USP24: variants seen among roughly 807,000 people sequenced by gnomAD.
USP24 encodes ubiquitin specific peptidase 24, also known as ubiquitin carboxyl-terminal hydrolase 24.
USP24 carries 97 observed loss-of-function variants against 361.6 expected under a neutral mutation model. The observed-to-expected ratio is 0.27, with a 90% confidence interval of 0.23 to 0.32. USP24 has a LOEUF of 0.32. Ranked by LOEUF, USP24 falls within the 10% of genes least tolerant of loss-of-function variation. The probability of loss-of-function intolerance (pLI) is 1.00; values close to 1 mark genes in which losing one functional copy is unlikely to be tolerated. For synonymous variants in USP24, 1,098 were observed against 1,124.6 expected, an observed-to-expected ratio of 0.98 and a Z score of 0.47; for missense variants, 2,353 against 3,165.6, an observed-to-expected ratio of 0.74 and a Z score of 6.16.
At chr1:55,146,279 G>C (rs2100708779) in intron 19 of USP24, among the ~76,000 whole-genome samples, 170 bp from the exon 20 acceptor site, 1 of 152,222 alleles carries the variant, frequency 6.6e-6, no homozygotes, top group East Asian at 1.9e-4. Context: ...GCAGTTACTA[G>C]CAATCTTTCT....
At chr1:55,174,637 G>A (rs976610647) in intron 3 of USP24, among the ~76,000 whole-genome samples, 1 of 152,216 alleles carries the variant, frequency 6.6e-6, no homozygotes, top group East Asian at 1.9e-4. Flanking sequence ...ACTTGCTGGT[G>A]AATGGACTGG....
chr1:55,199,942 TGGAC>T (rs1644526530), intron 1 of USP24, among the ~76,000 whole-genome samples: 1 of 152,190 alleles, frequency 6.6e-6, no homozygotes, highest in African/African-American at 2.4e-5. Context: ...ACGTCTTACA[TGGAC>T]GGCAGCAGGC....
At chr1:55,131,094 A>G (rs138477995) in intron 31 of USP24, among the ~76,000 whole-genome samples, 3 of 152,324 alleles carry the variant, frequency 2.0e-5, no homozygotes, top group African/African-American at 7.2e-5. Context: ...TTAAAATTAC[A>G]CTTGAACTTT....
intron 1 of USP24, among the ~76,000 whole-genome samples, chr1:55,181,226 A>G (rs138596321): frequency 1.3e-5 from 2 of 152,202 alleles, no homozygotes; most frequent in Non-Finnish European, 2.9e-5. Flanking sequence ...CATATCAATG[A>G]TATCTAAAGA....
At chr1:55,176,477 T>A (rs1162147655) in intron 2 of USP24, 34 bp from the exon 3 acceptor site, 1 of 1,533,294 alleles carries the variant, frequency 6.5e-7, no homozygotes. Flanking sequence ...ATACTTTATT[T>A]AAGTCAGACT....
At chr1:55,176,164 A>G (rs2100817592) in intron 3 of USP24, among the ~76,000 whole-genome samples, 1 of 152,370 alleles carries the variant, frequency 6.6e-6, no homozygotes, top group African/African-American at 2.4e-5. Context: ...ATATTTAACC[A>G]AAGACACATA....
At position 55,110,240 on chromosome 1, in the gene USP24, T is replaced by A. The variant is rs1384614633; in HGVS notation, c.4515A>T (p.Leu1505Phe). 3 of 1,537,254 alleles carry A rather than the reference T, an allele frequency of 2.0e-6. No individual in the cohort carries two copies. The highest frequency in any genetic ancestry group is 2.1e-5 in the Admixed American group (1 of 48,158). ...AATCAAAATACTCCATACACTGAGATAACAGTCTAAAAAACAGAAAGGTTT... is the reference window on the plus strand; with the variant it reads ...AATCAAAATACTCCATACACTGAGAAAACAGTCTAAAAAACAGAAAGGTTT... ...SIMRGVNQRL[L>F]SQCMEYFDLR... Residue 1505 changes from leucine to phenylalanine, a missense_variant, in exon 39 of 68, where the codon TTA becomes TTT. By Grantham distance (22) the Leu-to-Phe change is conservative. Coordinates refer to ENST00000294383, the MANE Select transcript of USP24 (RefSeq NM_015306.3).
intron 42 of USP24, 101 bp from the exon 43 acceptor site, chr1:55,101,804 A>G: frequency 7.2e-7 from 1 of 1,385,364 alleles, no homozygotes; most frequent in Non-Finnish European, 9.5e-7. Context: ...TCACAGATTT[A>G]CCCATCCAGC....
At chr1:55,209,063 A>T (rs1346994525) in intron 1 of USP24, among the ~76,000 whole-genome samples, 1 of 152,238 alleles carries the variant, frequency 6.6e-6, no homozygotes, top group Non-Finnish European at 1.5e-5. Flanking sequence ...TTCCTATGAT[A>T]AAGAAAATGA....
At chr1:55,145,832 A>G (rs1647013756) in intron 20 of USP24, among the ~76,000 whole-genome samples, 166 bp downstream of exon 20, 1 of 152,222 alleles carries the variant, frequency 6.6e-6, no homozygotes, top group South Asian at 2.1e-4. Flanking sequence ...CCATTCATGT[A>G]GAAAGGAATT....
chr1:55,119,499 G>C (rs930097123), intron 38 of USP24, among the ~76,000 whole-genome samples: 8 of 151,966 alleles, frequency 5.3e-5, no homozygotes, highest in Admixed American at 5.2e-4. Context: ...AGTTGTGATG[G>C]TTGCATCACA....
At chr1:55,202,031 C>T (rs1233388267) in intron 1 of USP24, among the ~76,000 whole-genome samples, 1 of 152,130 alleles carries the variant, frequency 6.6e-6, no homozygotes, top group East Asian at 1.9e-4. Context: ...GCATGCCAGG[C>T]AGGAGAAAAT....
At chr1:55,096,437 AT>A (rs1365756860) in intron 50 of USP24, 60 bp downstream of exon 50, 2 of 1,315,940 alleles carry the variant, frequency 1.5e-6, no homozygotes, top group Non-Finnish European at 2.0e-6. Flanking sequence ...AATACTATTA[AT>A]TTTTATAGAA....
rs1399310984 is a variant in USP24 at position 55,094,185 on chromosome 1, AT to A, written c.6204-99del. 4.9e-6 allele frequency: 6 copies of A among 1,216,166 alleles called. No individual in the cohort carries two copies. In the East Asian group the frequency reaches 1.3e-4, roughly 26 times the overall value. The allele number at this position is 1,216,166 out of a possible 1,614,324, so 75.3% of individuals were successfully genotyped here. ...AATTCACATAAACGGGTATTAGACT[AT>A]TTGATTATTATACATGTATCGAAAC... On this transcript the variant is annotated intron_variant, in intron 51 of 67. Transcript: ENST00000294383.
chr1:55,074,532 G>A (rs1644984647), intron 63 of USP24, among the ~76,000 whole-genome samples: 1 of 152,106 alleles, frequency 6.6e-6, no homozygotes, highest in Admixed American at 6.5e-5. Flanking sequence ...TACTTGGGAG[G>A]CTGAGGTGGG....
intron 5 of USP24, among the ~76,000 whole-genome samples, chr1:55,168,697 A>ACC (rs1649151997): frequency 6.6e-6 from 1 of 152,208 alleles, no homozygotes; most frequent in South Asian, 2.1e-4. Context: ...AAGGATGCCT[A>ACC]AAGGGAGAAA....
chr1:55,104,034 A>G lies in USP24; in HGVS notation c.4881-14T>C. ...GCTGTACTACACCTAGAAACAAAAG[A>G]CACAAGTCAATTTCAACAATGAATA... On this transcript the variant is annotated splice_polypyrimidine_tract_variant and intron_variant, in intron 41 of 67. Coordinates refer to ENST00000294383, the MANE Select transcript of USP24 (RefSeq NM_015306.3). The G allele has an allele frequency of 1.3e-6, 2 of 1,589,382 alleles. No individual in the cohort carries two copies. Among genetic ancestry groups the G allele is most frequent in the Non-Finnish European group, 1.7e-6 (2 of 1,168,146 alleles).
intron 55 of USP24, among the ~76,000 whole-genome samples, chr1:55,089,000 C>T (rs765986968): frequency 5.3e-5 from 8 of 151,744 alleles, no homozygotes; most frequent in African/African-American, 7.3e-5. Context: ...GCAACCTCTG[C>T]CTCCTGGGTT....
Position 55,134,076 on chromosome 1 carries a change from T to G in USP24, c.3375A>C (p.Gly1125=). ...AGTTAAAAAATACTCATACCTTTCT[T>G]CCTAAAGAATCAAGTTGATCAAGGG... is the stretch of plus-strand genomic sequence containing the variant. ...QEALDQLDSL[G]RKKTLLSESS... Residue 1125 remains glycine, a synonymous_variant, in exon 30 of 68, where the codon GGA becomes GGC. Transcript: ENST00000294383. 6.2e-7 allele frequency: 1 copy of G among 1,613,410 alleles called. No individual in the cohort carries two copies. Among genetic ancestry groups the G allele is most frequent in the South Asian group, 1.1e-5 (1 of 90,944 alleles).
Sources: gnomAD v4.1 joint callset for allele counts (sites outside exome capture counted in the v4.1 genomes callset) on GRCh38, gnomAD v4.1.1 for gene constraint, MANE v1.5 for transcripts, NCBI Gene and HGNC (gene_info 2026-07-23, HGNC 2026-07-21) for gene names.